MID1: variants seen among roughly 807,000 people sequenced by gnomAD.
MID1 encodes midline 1.
Under a neutral mutation model 40.4 loss-of-function variants are expected in MID1, and 7 were observed. The ratio of observed to expected loss-of-function variants is 0.17; its 90% CI spans 0.10 to 0.33. The LOEUF (loss-of-function observed/expected upper bound fraction) is 0.33. Among genes scored for constraint, MID1 ranks in the 10% least tolerant of loss-of-function variants. The pLI is 1.00. For synonymous variants in MID1, 229 were observed against 221.2 expected (o/e 1.04, Z -0.31); for missense variants, 367 against 558.5 (o/e 0.66, Z 3.46).
chrX:10,711,480 G>T (rs2043267281), intron 1 of MID1, among the ~76,000 whole-genome samples: 1 of 112,014 alleles, frequency 8.9e-6, no homozygotes. Flanking sequence ...CATGAAACAT[G>T]ATTAAAACAC....
rs1179986545 is a variant in MID1, at chrX:10,502,907, A to G, written c.757-7216T>C. Among the ~76,000 whole-genome samples the G allele has an allele frequency of 6.3e-5, 7 of 111,941 alleles. No homozygotes were observed. The East Asian group carries it at 2.0e-3, about 32-fold the overall frequency. On this transcript the variant is annotated intron_variant, in intron 3 of 9. Coordinates refer to ENST00000317552, the MANE Select transcript of MID1 (RefSeq NM_000381.4). ...ATATGTAATTTTGAGTCTGCATCCA[A>G]ATTCGAAGGGGTTAGTGGTACTACA...
chrX:10,565,802 G>C (rs1301202126), intron 2 of MID1, among the ~76,000 whole-genome samples: 1 of 103,795 alleles, frequency 9.6e-6, no homozygotes, highest in Non-Finnish European at 1.9e-5. Context: ...CATACTTAGA[G>C]AGTGATTTTT....
chrX:10,667,431 C>T (rs1040886784), intron 1 of MID1, among the ~76,000 whole-genome samples: 4 of 111,467 alleles, frequency 3.6e-5, no homozygotes, highest in African/African-American at 1.3e-4. Flanking sequence ...AAACTCTGTT[C>T]TGAAATTGCC....
chrX:10,721,160 G>T (rs2043351884), intron 1 of MID1, among the ~76,000 whole-genome samples: 1 of 110,382 alleles, frequency 9.1e-6, no homozygotes, highest in Admixed American at 9.6e-5. Context: ...TAACAAACCT[G>T]CCCGTGGTGC....
At chrX:10,731,423 G>A (rs2043448121) in intron 1 of MID1, among the ~76,000 whole-genome samples, 1 of 111,977 alleles carries the variant, frequency 8.9e-6, no homozygotes, top group Admixed American at 9.5e-5. Flanking sequence ...CCCAGCATGA[G>A]AAAATTAGCA....
chrX:10,657,860 G>T (rs1466369796), intron 1 of MID1, among the ~76,000 whole-genome samples: 1 of 112,008 alleles, frequency 8.9e-6, no homozygotes, highest in Admixed American at 9.5e-5. Flanking sequence ...AGTTTAAATT[G>T]GTTAGTTCTA....
intron 1 of MID1, among the ~76,000 whole-genome samples, chrX:10,678,563 T>A (rs2043038136): frequency 8.9e-6 from 1 of 111,990 alleles, no homozygotes; most frequent in Non-Finnish European, 1.9e-5. Flanking sequence ...AATAAATGTA[T>A]CTACATAAAC....
chrX:10,532,924 C>G (rs900385388), intron 2 of MID1, among the ~76,000 whole-genome samples: 1 of 99,456 alleles, frequency 1.0e-5, no homozygotes, highest in South Asian at 4.2e-4. Flanking sequence ...TGTGCCACCA[C>G]CATGCCCAGC....
At chrX:10,633,309 A>G in intron 1 of MID1, among the ~76,000 whole-genome samples, 1 of 110,945 alleles carries the variant, frequency 9.0e-6, no homozygotes, top group Non-Finnish European at 1.9e-5. Flanking sequence ...TCCCCTATAT[A>G]TTTCCTAGTC....
intron 4 of MID1, among the ~76,000 whole-genome samples, chrX:10,491,213 T>C (rs1381221468): frequency 2.7e-5 from 3 of 111,592 alleles, no homozygotes; most frequent in African/African-American, 9.8e-5. Flanking sequence ...CTTTTAAAAA[T>C]GGGGGAAAAG....
At chrX:10,510,830 C>CAAAAAAAAAAAAA (rs1185825614) in intron 3 of MID1, among the ~76,000 whole-genome samples, 21 of 23,944 alleles carry the variant, frequency 8.8e-4, no homozygotes, top group African/African-American at 1.5e-3. Context: ...GACTCTGTCT[C>CAAAAAAAAAAAAA]AAAAAAAAAA....
chrX:10,810,300 C>T (rs2147152014), intron 1 of MID1, among the ~76,000 whole-genome samples: 1 of 112,428 alleles, frequency 8.9e-6, no homozygotes, highest in Non-Finnish European at 1.9e-5. Flanking sequence ...TTTCACTTAG[C>T]ATAATGTCTT....
intron 5 of MID1, among the ~76,000 whole-genome samples, chrX:10,479,399 C>G (rs1569059748): frequency 9.0e-6 from 1 of 111,070 alleles, no homozygotes; most frequent in Non-Finnish European, 1.9e-5. Flanking sequence ...TTATTATTGA[C>G]TATAGTCACC....
chrX:10,595,951 T>C (rs1478202064), intron 1 of MID1, among the ~76,000 whole-genome samples: 1 of 111,863 alleles, frequency 8.9e-6, no homozygotes, highest in Non-Finnish European at 1.9e-5. Context: ...TTATTAGGTG[T>C]CAATTATAAG....
chrX:10,688,728 T>A lies in MID1; in HGVS notation c.-186-68309A>T, dbSNP rs113832981. On this transcript the variant is annotated intron_variant, in intron 1 of 10. Transcript: ENST00000380785. Reference sequence around the variant, plus strand: ...GATGGTATATGTTAAATTCATATACTGTATTATAGGAGAGACAATGCCATA... The same window carrying A: ...GATGGTATATGTTAAATTCATATACAGTATTATAGGAGAGACAATGCCATA... Among the ~76,000 whole-genome samples the A allele has an allele frequency of 4.9e-3, 546 of 111,294 alleles. 4 individuals carry two copies. Among genetic ancestry groups the A allele is most frequent in the African/African-American group, 0.017 (520 of 30,647 alleles).
At chrX:10,808,725 T>G (rs2044066942) in intron 1 of MID1, among the ~76,000 whole-genome samples, 1 of 111,076 alleles carries the variant, frequency 9.0e-6, no homozygotes, top group African/African-American at 3.3e-5. Context: ...GCTAGCCATA[T>G]GTAGAAAGCT....
intron 1 of MID1, among the ~76,000 whole-genome samples, chrX:10,709,869 C>G (rs1175290901): frequency 8.9e-6 from 1 of 111,812 alleles, no homozygotes; most frequent in East Asian, 2.8e-4. Context: ...AGACAAACTT[C>G]AGGAAAGGAA....
intron 1 of MID1, among the ~76,000 whole-genome samples, chrX:10,583,282 A>C (rs906737907): frequency 7.1e-5 from 8 of 112,701 alleles, no homozygotes; most frequent in African/African-American, 2.6e-4. Context: ...AATGAAAGAA[A>C]TAAAAAGGAT....
At chrX:10,510,059 T>C (rs1250860614) in intron 3 of MID1, among the ~76,000 whole-genome samples, 1 of 112,172 alleles carries the variant, frequency 8.9e-6, no homozygotes, top group Non-Finnish European at 1.9e-5. Context: ...TTCATACATC[T>C]AATAAATTTT....
Sources: allele counts gnomAD v4.1 joint callset (sites outside exome capture counted in the v4.1 genomes callset), GRCh38; gene constraint gnomAD v4.1.1; transcripts MANE v1.5; gene names NCBI Gene and HGNC (gene_info 2026-07-23, HGNC 2026-07-21).